The following ST6GAL1 variants were observed in gnomAD, a reference collection of about 807,000 sequenced individuals.
ST6GAL1 encodes the protein ST6 beta-galactoside alpha-2,6-sialyltransferase 1.
A neutral mutation model predicts 38.0 loss-of-function variants in ST6GAL1; 20 were observed. That is an observed-to-expected ratio of 0.53 (90% CI 0.37 to 0.77). The LOEUF is 0.77. ST6GAL1 is among the 30% of genes least tolerant of loss of function. The probability of loss-of-function intolerance (pLI) is 0.00; values close to 1 mark genes in which losing one functional copy is unlikely to be tolerated. For synonymous variants in ST6GAL1, 196 were observed against 188.2 expected, an observed-to-expected ratio of 1.04 and a Z score of -0.34; for missense variants, 432 against 496.4, an observed-to-expected ratio of 0.87 and a Z score of 1.23.
At chr3:187,065,593 A>G (rs1221748417) in intron 5 of ST6GAL1, among the ~76,000 whole-genome samples, 1 of 152,150 alleles carries the variant, frequency 6.6e-6, no homozygotes, top group Non-Finnish European at 1.5e-5. Context: ...GTGAGACTCA[A>G]CTCAGTACCT....
chr3:186,974,042 C>T (rs998081780), intron 2 of ST6GAL1, among the ~76,000 whole-genome samples: 5 of 152,144 alleles, frequency 3.3e-5, no homozygotes, highest in African/African-American at 7.2e-5. Context: ...TGTGGTGTTG[C>T]GTGAATGAAC....
chr3:186,960,526 C>T (rs943176001), intron 1 of ST6GAL1, among the ~76,000 whole-genome samples: 5 of 151,960 alleles, frequency 3.3e-5, no homozygotes, highest in East Asian at 1.9e-4. Flanking sequence ...GATTACAGAG[C>T]GTTATGAATT....
intron 4 of ST6GAL1, among the ~76,000 whole-genome samples, chr3:187,046,341 T>C (rs1323290150): frequency 6.6e-6 from 1 of 152,160 alleles, no homozygotes; most frequent in Non-Finnish European, 1.5e-5. Flanking sequence ...AGATTCCACT[T>C]TGGATGTTCT....
chr3:186,937,579 A>G (rs1268420085), intron 1 of ST6GAL1, among the ~76,000 whole-genome samples: 1 of 152,196 alleles, frequency 6.6e-6, no homozygotes, highest in Non-Finnish European at 1.5e-5. Flanking sequence ...CCAAAGACAA[A>G]TAAGAAGAGC....
chr3:187,019,869 A>G (rs1003974318), intron 2 of ST6GAL1, among the ~76,000 whole-genome samples: 2 of 152,240 alleles, frequency 1.3e-5, no homozygotes, highest in African/African-American at 2.4e-5. Flanking sequence ...GGCAGAGTAA[A>G]TAGGTGTCAC....
intron 2 of ST6GAL1, among the ~76,000 whole-genome samples, chr3:186,997,411 T>A (rs896485510): frequency 6.6e-6 from 1 of 152,050 alleles, no homozygotes; most frequent in African/African-American, 2.4e-5. Context: ...TCATCATCTG[T>A]CTCAGGATGG....
At chr3:187,065,984 T>C (rs2108598351) in intron 5 of ST6GAL1, among the ~76,000 whole-genome samples, 1 of 152,194 alleles carries the variant, frequency 6.6e-6, no homozygotes, top group Non-Finnish European at 1.5e-5. Flanking sequence ...GTTCTAGGTG[T>C]TTGCCACCAG....
intron 2 of ST6GAL1, among the ~76,000 whole-genome samples, chr3:187,026,783 C>T (rs1379857197): frequency 6.6e-5 from 10 of 152,190 alleles, no homozygotes; most frequent in African/African-American, 2.4e-4. Context: ...CGGTGGCTCA[C>T]GCCTGTAATC....
At chr3:187,036,168 T>C (rs1475651052) in intron 2 of ST6GAL1, among the ~76,000 whole-genome samples, 1 of 152,126 alleles carries the variant, frequency 6.6e-6, no homozygotes, top group African/African-American at 2.4e-5. Context: ...GTATCACTAA[T>C]TATTAGAGAA....
At chr3:187,044,102 C>A (rs1718217941) in intron 4 of ST6GAL1, among the ~76,000 whole-genome samples, 1 of 152,066 alleles carries the variant, frequency 6.6e-6, no homozygotes, top group Admixed American at 6.5e-5. Flanking sequence ...ATCTGTGACC[C>A]AAAAAAGTTT....
chr3:186,941,358 G>C (rs55670412), intron 1 of ST6GAL1, among the ~76,000 whole-genome samples: 1 of 152,138 alleles, frequency 6.6e-6, no homozygotes, highest in Non-Finnish European at 1.5e-5. Flanking sequence ...TACCTGGAGT[G>C]TTATGCTTCC....
intron 2 of ST6GAL1, among the ~76,000 whole-genome samples, chr3:186,990,501 A>C (rs1274780103): frequency 1.3e-5 from 2 of 152,104 alleles, no homozygotes; most frequent in African/African-American, 4.8e-5. Context: ...CTATTGATAG[A>C]CTTGATGACT....
chr3:187,052,308 A>G (rs182507759), intron 5 of ST6GAL1, among the ~76,000 whole-genome samples: 2 of 152,110 alleles, frequency 1.3e-5, no homozygotes, highest in Admixed American at 1.3e-4. Context: ...ACTTTTTTTT[A>G]AAATTATACT....
intron 2 of ST6GAL1, among the ~76,000 whole-genome samples, chr3:187,022,462 T>A (rs923293804): frequency 1.3e-5 from 2 of 152,268 alleles, no homozygotes; most frequent in Middle Eastern, 3.4e-3. Flanking sequence ...TATTGTCTAG[T>A]GACTTGAAGT....
chr3:187,009,128 T>G (rs1579318102), intron 2 of ST6GAL1, among the ~76,000 whole-genome samples: 1 of 143,930 alleles, frequency 6.9e-6, no homozygotes, highest in Non-Finnish European at 1.5e-5. Context: ...CTTCCTCCCT[T>G]TTTCTTTCAA....
At chr3:187,007,842 A>G (rs1422320625) in intron 2 of ST6GAL1, among the ~76,000 whole-genome samples, 4 of 152,222 alleles carry the variant, frequency 2.6e-5, no homozygotes, top group African/African-American at 4.8e-5. Flanking sequence ...AGAACTAGAA[A>G]CTGCAGAATA....
chr3:187,060,176 TG>T (rs1553835389), intron 5 of ST6GAL1, among the ~76,000 whole-genome samples: 1 of 152,002 alleles, frequency 6.6e-6, no homozygotes, highest in Non-Finnish European at 1.5e-5. Flanking sequence ...CTTTTTTCAG[TG>T]GGGGTAGGGG....
At chr3:187,017,710 A>G (rs928360322) in intron 2 of ST6GAL1, among the ~76,000 whole-genome samples, 3 of 152,198 alleles carry the variant, frequency 2.0e-5, no homozygotes, top group African/African-American at 7.2e-5. Flanking sequence ...TGGCAATTAG[A>G]AAATGTCAAG....
chr3:186,992,224 C>G (rs926097335), intron 2 of ST6GAL1, among the ~76,000 whole-genome samples: 15 of 152,048 alleles, frequency 9.9e-5, no homozygotes, highest in Admixed American at 4.6e-4. Context: ...GGGGCTGTTT[C>G]CCCCATGCTG....
Sources: allele counts gnomAD v4.1 joint callset (sites outside exome capture counted in the v4.1 genomes callset), GRCh38; gene constraint gnomAD v4.1.1; transcripts MANE v1.5; gene names NCBI Gene and HGNC (gene_info 2026-07-23, HGNC 2026-07-21).